Variants in CLEC16A observed in about 807,000 individuals in gnomAD.
CLEC16A encodes C-type lectin domain containing 16A, also known as protein CLEC16A.
CLEC16A carries 51 observed loss-of-function variants against 109.5 expected under a neutral mutation model. The observed-to-expected ratio is 0.47, with a 90% CI of 0.37 to 0.59. CLEC16A has a LOEUF of 0.59. CLEC16A is among the 20% of genes least tolerant of loss of function. CLEC16A has a pLI of 0.00. For synonymous variants in CLEC16A, 673 were observed against 564.2 expected (o/e 1.19, Z -2.73); for missense variants, 1,339 against 1,394.0 (o/e 0.96, Z 0.63).
chr16:11,070,185 C>G (rs1325666768), intron 19 of CLEC16A, among the ~76,000 whole-genome samples: 1 of 152,074 alleles, frequency 6.6e-6, no homozygotes, highest in African/African-American at 2.4e-5. Flanking sequence ...ATTCTCCTGC[C>G]TCAGCCTCCC....
chr16:10,979,209 G>A, intron 8 of CLEC16A, 120 bp from the exon 9 acceptor site: 2 of 817,232 alleles, frequency 2.4e-6, no homozygotes, highest in Non-Finnish European at 3.9e-6. Flanking sequence ...CTAGGGCCGT[G>A]GAGGAAGTCA....
intron 22 of CLEC16A, among the ~76,000 whole-genome samples, chr16:11,147,701 CTG>C (rs1406937003): frequency 6.6e-6 from 1 of 152,162 alleles, no homozygotes; most frequent in Non-Finnish European, 1.5e-5. Context: ...CTCAATGAAA[CTG>C]TTGTATTAAA....
intron 1 of CLEC16A, among the ~76,000 whole-genome samples, chr16:10,950,789 G>A (rs1378063051): frequency 6.6e-6 from 1 of 152,182 alleles, no homozygotes; most frequent in Non-Finnish European, 1.5e-5. Context: ...TACCACACCT[G>A]AGACATTGTT....
intron 5 of CLEC16A, 63 bp from the exon 6 acceptor site, chr16:10,972,491 C>A (rs369458191): frequency 4.6e-6 from 7 of 1,536,726 alleles, no homozygotes; most frequent in Non-Finnish European, 6.3e-6. Context: ...GGTCCTAACC[C>A]TGTTAACTGT....
At chr16:10,962,697 T>C in intron 3 of CLEC16A, 109 bp downstream of exon 3, 4 of 1,178,692 alleles carry the variant, frequency 3.4e-6, no homozygotes, top group Admixed American at 2.0e-5. Context: ...CAGGCTATCC[T>C]AACAAAATAC....
At position 11,178,587 on chromosome 16, in the gene CLEC16A, G is replaced by A; in HGVS notation, c.3059G>A (p.Ser1020Asn). The change falls in exon 24 of 24, where the codon AGC becomes AAC. Residue 1020 changes from serine to asparagine, a missense_variant. Ser to Asn is a conservative substitution (Grantham distance 46, BLOSUM62 1). This residue lies in a region of CLEC16A where 1,061 missense variants were observed against 1,006.8 expected (regional missense o/e 1.05). Coordinates refer to ENST00000409790, the MANE Select transcript of CLEC16A (RefSeq NM_015226.3). This position sits in a 1 kb window ranked among gnomAD's most constrained non-coding sequence, Gnocchi z 6.5. ...CCAGTTGACCCCCACAGCCTCCGCA[G>A]CCTCACCGGCATGCCCCCGCTGTCC... Reference protein sequence around the residue: ...VPPVDPHSLRSLTGMPPLSTP... With the variant: ...VPPVDPHSLRNLTGMPPLSTP... The A allele has an allele frequency of 6.2e-7, 1 of 1,609,900 alleles. No homozygotes were observed. The highest frequency in any genetic ancestry group is 1.1e-5 in the South Asian group (1 of 90,968).
Position 11,178,409 on chromosome 16 carries a change from G to C in CLEC16A, c.2881G>C (p.Asp961His). ...GGTAATCGTCAACGAAACGGAAGCA[G>C]ACTCTAAGCCCAGCAAGAACGTGGC... Reference protein sequence around the residue: ...QLVIVNETEADSKPSKNVARS... With the variant: ...QLVIVNETEAHSKPSKNVARS... The change falls in exon 24 of 24, where the codon GAC becomes CAC. Residue 961 changes from aspartate (D) to histidine (H), a missense_variant. Transcript: ENST00000409790. This position sits in a 1 kb window ranked among gnomAD's most constrained non-coding sequence, Gnocchi z 6.5. 1 of 1,613,850 alleles carries C rather than the reference G, an allele frequency of 6.2e-7. No homozygotes were observed. The highest frequency in any genetic ancestry group is 1.1e-5 in the South Asian group (1 of 91,086).
intron 12 of CLEC16A, among the ~76,000 whole-genome samples, chr16:11,023,673 A>C (rs1199943425): frequency 2.0e-5 from 3 of 152,162 alleles, no homozygotes; most frequent in Admixed American, 1.3e-4. Context: ...ATAGAGTCAA[A>C]AATTCAAAAC....
At chr16:11,010,754 A>G (rs978301049) in intron 11 of CLEC16A, among the ~76,000 whole-genome samples, 9 of 152,172 alleles carry the variant, frequency 5.9e-5, no homozygotes, top group Admixed American at 3.9e-4. Flanking sequence ...GCAAGGTCCA[A>G]TCCAGAGGCG....
chr16:10,977,155 G>A (rs2043068866), intron 7 of CLEC16A, 70 bp from the exon 8 acceptor site: 3 of 1,415,538 alleles, frequency 2.1e-6, no homozygotes, highest in African/African-American at 2.8e-5. Context: ...CTAAGTCTCA[G>A]GCCATTGATG....
intron 11 of CLEC16A, among the ~76,000 whole-genome samples, chr16:11,004,083 G>T (rs892308440): frequency 4.6e-5 from 7 of 152,082 alleles, no homozygotes; most frequent in African/African-American, 1.7e-4. Flanking sequence ...AGAATGAGGT[G>T]CACTCGTGTG....
intron 18 of CLEC16A, among the ~76,000 whole-genome samples, chr16:11,055,605 T>TTTTTTTTTTC (rs1268458004): frequency 2.1e-5 from 3 of 141,336 alleles, no homozygotes; most frequent in African/African-American, 8.3e-5. Context: ...TTTTTTTTTT[T>TTTTTTTTTTC]TGAGACGAGT....
At chr16:11,042,855 C>T (rs1457990286) in intron 15 of CLEC16A, among the ~76,000 whole-genome samples, 1 of 150,612 alleles carries the variant, frequency 6.6e-6, no homozygotes, top group Non-Finnish European at 1.5e-5. Context: ...TGCACACACA[C>T]ACACATATTA....
At chr16:10,984,207 T>C (rs1483307789) in intron 10 of CLEC16A, among the ~76,000 whole-genome samples, 1 of 152,102 alleles carries the variant, frequency 6.6e-6, no homozygotes, top group Non-Finnish European at 1.5e-5. Flanking sequence ...GGAGTACAAT[T>C]ACAAGAGGCC....
intron 11 of CLEC16A, among the ~76,000 whole-genome samples, chr16:11,014,973 G>A (rs1427958203): frequency 2.0e-5 from 3 of 152,184 alleles, no homozygotes; most frequent in Non-Finnish European, 4.4e-5. Context: ...AGAGCAGTGA[G>A]AATCTGGGGA....
At chr16:11,081,010 C>A (rs2049682056) in intron 19 of CLEC16A, among the ~76,000 whole-genome samples, 1 of 152,208 alleles carries the variant, frequency 6.6e-6, no homozygotes, top group Non-Finnish European at 1.5e-5. Context: ...AAACTGGCAG[C>A]AGATGGGGCT....
At chr16:11,121,098 A>G (rs1400046413) in intron 20 of CLEC16A, among the ~76,000 whole-genome samples, 1 of 152,194 alleles carries the variant, frequency 6.6e-6, no homozygotes, top group Non-Finnish European at 1.5e-5. Flanking sequence ...TAAAAATTAT[A>G]TACATATACT....
chr16:11,086,218 A>G (rs1258262131), intron 19 of CLEC16A, among the ~76,000 whole-genome samples: 1 of 152,170 alleles, frequency 6.6e-6, no homozygotes, highest in Non-Finnish European at 1.5e-5. Flanking sequence ...CCCTGGGCTC[A>G]TGCCCTGGGC....
At chr16:11,022,918 TA>T (rs2046199703) in intron 12 of CLEC16A, among the ~76,000 whole-genome samples, 1 of 148,834 alleles carries the variant, frequency 6.7e-6, no homozygotes, top group African/African-American at 2.5e-5. Context: ...TATATATATA[TA>T]TATATGTATA....
Sources: allele counts gnomAD v4.1 joint callset (sites outside exome capture counted in the v4.1 genomes callset), GRCh38; gene constraint gnomAD v4.1.1; regional missense constraint gnomAD v4.1.1; non-coding constraint Gnocchi (gnomAD v3.1); transcripts MANE v1.5; gene names NCBI Gene and HGNC (gene_info 2026-07-23, HGNC 2026-07-21).